The following PRRC2B variants were observed in gnomAD, a reference collection of about 807,000 sequenced individuals.
PRRC2B encodes the protein proline rich coiled-coil 2B, also known as protein PRRC2B.
A neutral mutation model predicts 242.3 loss-of-function variants in PRRC2B; 68 were observed. The ratio of observed to expected loss-of-function variants is 0.28; its 90% CI spans 0.23 to 0.34. PRRC2B has a LOEUF of 0.34. PRRC2B is among the 10% of genes least tolerant of loss of function. PRRC2B has a pLI of 1.00. For synonymous variants in PRRC2B, 1,228 were observed against 1,173.6 expected (o/e 1.05, Z -0.95); for missense variants, 2,835 against 2,954.8 (o/e 0.96, Z 0.94).
chr9:131,432,114 T>C (rs1209830958), intron 2 of PRRC2B, among the ~76,000 whole-genome samples: 1 of 152,138 alleles, frequency 6.6e-6, no homozygotes, highest in African/African-American at 2.4e-5. Context: ...CTTTTTAGCT[T>C]TCATGGTTCT....
chr9:131,401,918 C>T (rs1837236830), intron 1 of PRRC2B, among the ~76,000 whole-genome samples: 1 of 151,802 alleles, frequency 6.6e-6, no homozygotes, highest in Admixed American at 6.6e-5. Flanking sequence ...ACCTCGACTT[C>T]CCAAAGTGCT....
intron 6 of PRRC2B, among the ~76,000 whole-genome samples, chr9:131,444,939 A>G (rs1366000202): frequency 6.6e-6 from 1 of 152,146 alleles, no homozygotes; most frequent in Non-Finnish European, 1.5e-5. Flanking sequence ...GTGATTTTCC[A>G]CGTGTTCTAC....
Position 131,485,636 on chromosome 9 carries a change from C to T in PRRC2B, c.5759-449C>T, listed in dbSNP as rs146626374. 6.0e-4 allele frequency: 318 copies of T among 533,652 alleles called. 1 individual carries two copies. The highest frequency in any genetic ancestry group is 3.4e-3 in the African/African-American group (181 of 52,744). The allele number at this position is 533,652 out of a possible 1,614,324, so 33.1% of individuals were successfully genotyped here. A position where few individuals can be genotyped will look rare whatever the true frequency, so the allele number is the denominator to read the frequency against. The stretch of plus-strand genomic sequence containing the variant: ...GTGTGCCAGTGTCCCCAAGGGGAAG[C>T]GTGGGGGTTTTGAGGGCCCAGCTGC... On this transcript the variant is annotated intron_variant, in intron 25 of 31. Transcript: ENST00000683519.
chr9:131,482,729 G>T lies in PRRC2B; in HGVS notation c.5195G>T (p.Gly1732Val), dbSNP rs774828204. The T allele has an allele frequency of 8.1e-6, 13 of 1,599,812 alleles. No individual in the cohort carries two copies. The highest frequency in any genetic ancestry group is 3.3e-4 in the Middle Eastern group (2 of 5,994). Residue 1732 changes from glycine to valine, a missense_variant, in exon 22 of 32, where the codon GGA becomes GTA. Physicochemically the swap from Gly to Val is moderately radical, Grantham distance 109. Transcript: ENST00000683519. The surrounding 1 kb of genome is among the most constrained non-coding windows in gnomAD (Gnocchi z 5.2). Reference protein sequence around the residue: ...SEQKDSEQGSGQSKEHRPGPI... With the variant: ...SEQKDSEQGSVQSKEHRPGPI... ...ATCAAGGATTCAGAACAAGGCTCTG[G>T]ACAGAGCAAGGAGCACAGACCAGGA...
chr9:131,483,504 TGAA>T, intron 23 of PRRC2B, 59 bp downstream of exon 23: 1 of 1,439,462 alleles, frequency 6.9e-7, no homozygotes. Flanking sequence ...AGGCCCTGGG[TGAA>T]GGAGACAGCA....
rs1210968924 is a variant in PRRC2B at position 131,487,817 on chromosome 9, T to A, written c.5985-39T>A. ...GGTGGGACCAGATCCGCAGCTGGAC[T>A]CATCCACCTGATCCCGACCATCTGT... is the stretch of plus-strand genomic sequence containing the variant. On this transcript the variant is annotated intron_variant, in intron 27 of 31. Transcript: ENST00000683519. This position sits in a 1 kb window ranked among gnomAD's most constrained non-coding sequence, Gnocchi z 5.3. The A allele has an allele frequency of 6.3e-7, 1 of 1,582,902 alleles. No homozygotes were observed. Among genetic ancestry groups the A allele is most frequent in the Non-Finnish European group, 8.6e-7 (1 of 1,158,402 alleles).
chr9:131,423,151 G>T (rs1445407683), intron 1 of PRRC2B, among the ~76,000 whole-genome samples: 1 of 152,196 alleles, frequency 6.6e-6, no homozygotes, highest in Non-Finnish European at 1.5e-5. Flanking sequence ...GGGAGAGAAG[G>T]TGAGGTAAAG....
intron 1 of PRRC2B, among the ~76,000 whole-genome samples, chr9:131,421,159 C>G (rs78747989): frequency 0.056 from 8,571 of 152,280 alleles, 315 homozygotes; most frequent in Admixed American, 0.11. Context: ...CTGTCTGGCC[C>G]TTTACAGACA....
rs1332824772 is a variant in PRRC2B at position 131,494,938 on chromosome 9, CT to C, written c.6555+456del. The stretch of plus-strand genomic sequence containing the variant: ...TATAATGAAAAGGACATCGCAGTGT[CT>C]TTTCCTGCACGCACTATTCTCTTCT... On this transcript the variant is annotated intron_variant, in intron 31 of 31. Transcript: ENST00000683519. The surrounding 1 kb of genome is among the most constrained non-coding windows in gnomAD (Gnocchi z 4.3). Among the ~76,000 whole-genome samples the C allele has an allele frequency of 1.3e-5, 2 of 152,212 alleles. No homozygotes were observed. The highest frequency in any genetic ancestry group is 2.4e-5 in the African/African-American group (1 of 41,450).
At position 131,494,268 on chromosome 9, in the gene PRRC2B, G is replaced by C. The variant is rs529973610; in HGVS notation, c.6474-137G>C. ...GTCTGTGGTTGTTTTCCATCCAAGA[G>C]ATCCACGGACCGTCCCGAGTGAGCG... is the stretch of plus-strand genomic sequence containing the variant. On this transcript the variant is annotated intron_variant, in intron 30 of 31. Coordinates refer to ENST00000683519, the MANE Select transcript of PRRC2B (RefSeq NM_013318.4). This position sits in a 1 kb window ranked among gnomAD's most constrained non-coding sequence, Gnocchi z 4.3. 5.0e-6 allele frequency: 3 copies of C among 600,804 alleles called. No individual in the cohort carries two copies. The African/African-American group carries it at 5.6e-5, about 11-fold the overall frequency. 37.2% of individuals were successfully genotyped at this position (600,804 alleles called of 1,614,324 possible).
Position 131,486,129 on chromosome 9 carries a change from A to C in PRRC2B, c.5803A>C (p.Ser1935Arg), listed in dbSNP as rs778499102. 1.2e-6 allele frequency: 2 copies of C among 1,613,288 alleles called. No individual in the cohort carries two copies. Among genetic ancestry groups the C allele is most frequent in the Admixed American group, 3.3e-5 (2 of 59,898 alleles). The change falls in exon 26 of 32, where the codon AGT becomes CGT. Residue 1935 changes from serine (S) to arginine (R), a missense_variant. By Grantham distance (110) the Ser-to-Arg change is moderately radical (BLOSUM62 -1). Coordinates refer to ENST00000683519, the MANE Select transcript of PRRC2B (RefSeq NM_013318.4). Reference sequence around the variant, plus strand: ...GTACCTGGATGGCCATGTGTTTGCAAGTCAGCCCCGGCTGGTTCCTCAAAC... The same window carrying C: ...GTACCTGGATGGCCATGTGTTTGCACGTCAGCCCCGGCTGGTTCCTCAAAC... Reference protein sequence around the residue: ...PLYLDGHVFASQPRLVPQTIP... With the variant: ...PLYLDGHVFARQPRLVPQTIP...
chr9:131,473,755 C>T, intron 15 of PRRC2B, 31 bp downstream of exon 15: 3 of 1,573,166 alleles, frequency 1.9e-6, no homozygotes, highest in East Asian at 2.3e-5. Flanking sequence ...GCTGCCTTGC[C>T]ACTGAAGGAG....
Position 131,397,563 on chromosome 9 carries a change from G to GTTTTTTTTTT in PRRC2B, c.-52+3312_-52+3321dup, listed in dbSNP as rs58424444. On this transcript the variant is annotated intron_variant, in intron 1 of 31. Coordinates refer to ENST00000683519, the MANE Select transcript of PRRC2B (RefSeq NM_013318.4). ...GGATTATTTTATTGTACTTTTGAGG[G>GTTTTTTTTTT]TTTTTTTTTTTTTTTTTTTTTGCCT... Among the ~76,000 whole-genome samples the GTTTTTTTTTT allele has an allele frequency of 2.2e-4, 22 of 98,964 alleles. 1 individual carries two copies. The highest frequency in any genetic ancestry group is 2.9e-4 in the African/African-American group (7 of 23,934). 64.9% of individuals were successfully genotyped at this position (98,964 alleles called of 152,430 possible).
chr9:131,485,009 G>A lies in PRRC2B; in HGVS notation c.5627G>A (p.Gly1876Asp). ...SPSLPEQSSP[G>D]GAGSGIQPPS... ...AGTTTGCCGGAGCAGAGCTCTCCAG[G>A]CGGCGCTGGCTCAGGCATCCAGCCT... Residue 1876 changes from glycine (G) to aspartate (D), a missense_variant, in exon 25 of 32, where the codon GGC (glycine) becomes GAC (aspartate). By Grantham distance (94) the Gly-to-Asp change is moderately conservative. Coordinates refer to ENST00000683519, the MANE Select transcript of PRRC2B (RefSeq NM_013318.4). 1 of 1,613,350 alleles carries A rather than the reference G, an allele frequency of 6.2e-7. No homozygotes were observed.
chr9:131,456,563 G>A (rs1176520415), intron 10 of PRRC2B, among the ~76,000 whole-genome samples: 15 of 151,742 alleles, frequency 9.9e-5, no homozygotes, highest in African/African-American at 2.7e-4. Context: ...CCCGGGAGGC[G>A]GAGCTTGCAG....
In PRRC2B at chr9:131,478,628, C is replaced by CGGA; in HGVS notation, c.4758+12_4758+14dup. ...AGGAGCAGGCCGTGCAGGTGAGGGG[C>CGGA]GGAGGGTGGGGGGGCATGGGGCTGG... On this transcript the variant is annotated intron_variant, in intron 18 of 31. Coordinates refer to ENST00000683519, the MANE Select transcript of PRRC2B (RefSeq NM_013318.4). 3.8e-6 allele frequency: 1 copy of CGGA among 260,000 alleles called. No homozygotes were observed. Among genetic ancestry groups the CGGA allele is most frequent in the Non-Finnish European group, 6.0e-6 (1 of 166,982 alleles). The allele number at this position is 260,000 out of a possible 1,614,324, so 16.1% of individuals were successfully genotyped here.
At chr9:131,420,493 CTT>C (rs146073511) in intron 1 of PRRC2B, among the ~76,000 whole-genome samples, 8 of 30,166 alleles carry the variant, frequency 2.7e-4, no homozygotes, top group South Asian at 2.3e-3. Context: ...TTCTTTCTTT[CTT>C]TTTTTTTTTT....
At chr9:131,374,445 G>A (rs978352607) in intron 1 of PRRC2B, among the ~76,000 whole-genome samples, 1 of 152,000 alleles carries the variant, frequency 6.6e-6, no homozygotes, top group Admixed American at 6.6e-5. Context: ...ATTAAATTTT[G>A]CTAACATGTA....
rs371405011 is a variant in PRRC2B at position 131,432,810 on chromosome 9, G to C, written c.293+16G>C. ...ACCCAAAGAGGTAAACGGAGGAGGC[G>C]GGTGGTGAGTGGGAGCTGGCGCTCC... On this transcript the variant is annotated intron_variant, in intron 3 of 31. Transcript: ENST00000683519. 6.2e-7 allele frequency: 1 copy of C among 1,612,278 alleles called. No homozygotes were observed. Among genetic ancestry groups the C allele is most frequent in the Admixed American group, 1.7e-5 (1 of 59,894 alleles).
Sources: gnomAD v4.1 joint callset for allele counts (sites outside exome capture counted in the v4.1 genomes callset) on GRCh38, gnomAD v4.1.1 for gene constraint, Gnocchi (gnomAD v3.1) non-coding constraint, MANE v1.5 for transcripts, NCBI Gene and HGNC (gene_info 2026-07-23, HGNC 2026-07-21) for gene names.